EDNRB: variants seen among roughly 807,000 people sequenced by gnomAD.
The protein encoded by EDNRB is endothelin receptor type B.
In EDNRB, 18 loss-of-function variants were observed where a neutral mutation model predicts 46.4. The ratio of observed to expected loss-of-function variants is 0.39; its 90% CI spans 0.27 to 0.57. The LOEUF (loss-of-function observed/expected upper bound fraction) is 0.57, where lower values mean the gene tolerates loss of function less well. Among genes scored for constraint, EDNRB ranks in the 20% least tolerant of loss-of-function variants. The pLI, the probability that EDNRB is intolerant of heterozygous loss-of-function variation, is 0.61. For missense variants in EDNRB, 434 were observed against 537.5 expected (o/e 0.81, Z 1.90); for synonymous variants, 213 against 204.9 (o/e 1.04, Z -0.34).
chr13:77,961,146 T>G (rs2137684728), intron 1 of EDNRB, among the ~76,000 whole-genome samples: 1 of 152,078 alleles, frequency 6.6e-6, no homozygotes, highest in East Asian at 1.9e-4. Context: ...AGACAGAAAG[T>G]TAACAAGGAT....
In EDNRB at chr13:77,903,554, G is replaced by C; in HGVS notation, c.537C>G (p.Phe179Leu). 6.2e-7 allele frequency: 1 copy of C among 1,612,854 alleles called. No homozygotes were observed. The highest frequency in any genetic ancestry group is 8.5e-7 in the Non-Finnish European group (1 of 1,179,256). Residue 179 changes from phenylalanine (F) to leucine (L), a missense_variant, in exon 2 of 7, where the codon TTC (phenylalanine) becomes TTG (leucine). By Grantham distance (22) the Phe-to-Leu change is conservative. Transcript: ENST00000646607. ...FGAEMCKLVP[F>L]IQKASVGITV... ...TGATTCCCACAGAGGCTTTCTGTAT[G>C]AAAGGCACCAGCTTACACATCTCAG...
chr13:77,895,863 C>T lies in EDNRB; in HGVS notation c.*2337G>A, dbSNP rs1409744475. On this transcript the variant is annotated 3_prime_UTR_variant, in exon 7 of 7. Transcript: ENST00000646607. The stretch of plus-strand genomic sequence containing the variant: ...TACTAAAAGGTGTTTGAACATACAT[C>T]CACATTAGCAGTGGATAATAAGGGA... The T allele has an allele frequency of 6.6e-6, 1 of 152,214 alleles. No homozygotes were observed. The highest frequency in any genetic ancestry group is 1.5e-5 in the Non-Finnish European group (1 of 68,158). 9.4% of individuals were successfully genotyped at this position (152,214 alleles called of 1,614,324 possible).
At chr13:77,899,411 C>A in intron 6 of EDNRB, 1 of 79,708 alleles carries the variant, frequency 1.3e-5, no homozygotes, top group Non-Finnish European at 2.3e-5. Context: ...GAGGTAAAAC[C>A]TAAACTATTT....
At position 77,918,705 on chromosome 13, in the gene EDNRB, G is replaced by A. The variant is rs201210421; in HGVS notation, c.-132C>T. ...GTCGCTGCAAACGCTAATACCGCCC[G>A]CAGCCTCTTCGCCAGTATCCACGCT... On this transcript the variant is annotated 5_prime_UTR_variant, in exon 1 of 7. Coordinates refer to ENST00000646607, the MANE Select transcript of EDNRB (RefSeq NM_001122659.3). This position sits in a 1 kb window ranked among gnomAD's most constrained non-coding sequence, Gnocchi z 4.5. 9 of 1,373,268 alleles carry A rather than the reference G, an allele frequency of 6.6e-6. No individual in the cohort carries two copies. Among genetic ancestry groups the A allele is most frequent in the Non-Finnish European group, 8.4e-6 (9 of 1,067,874 alleles). 85.1% of individuals were successfully genotyped at this position (1,373,268 alleles called of 1,614,324 possible).
chr13:77,927,266 G>A (rs1195987165), intron 1 of EDNRB, among the ~76,000 whole-genome samples: 2 of 152,266 alleles, frequency 1.3e-5, no homozygotes, highest in South Asian at 2.1e-4. Context: ...AGATGCTTGA[G>A]TAAGTTCAGA....
intron 1 of EDNRB, among the ~76,000 whole-genome samples, chr13:77,932,237 G>C (rs1328234798): frequency 6.6e-6 from 1 of 152,144 alleles, no homozygotes; most frequent in South Asian, 2.1e-4. Flanking sequence ...CTGGAGTAAA[G>C]TGGACATCAA....
At chr13:77,943,834 G>A (rs1056074767) in intron 1 of EDNRB, among the ~76,000 whole-genome samples, 1 of 151,810 alleles carries the variant, frequency 6.6e-6, no homozygotes, top group African/African-American at 2.4e-5. Flanking sequence ...TTTTAAATAA[G>A]TAAATAGATT....
rs1394891189 is a variant in EDNRB, at chr13:77,918,756, A to G, written c.-183T>C. 2 of 1,335,142 alleles carry G rather than the reference A, an allele frequency of 1.5e-6. No individual in the cohort carries two copies. The highest frequency in any genetic ancestry group is 1.9e-6 in the Non-Finnish European group (2 of 1,048,592). 82.7% of individuals were successfully genotyped at this position (1,335,142 alleles called of 1,614,324 possible). On this transcript the variant is annotated 5_prime_UTR_variant, in exon 1 of 7. Coordinates refer to ENST00000646607, the MANE Select transcript of EDNRB (RefSeq NM_001122659.3). This position sits in a 1 kb window ranked among gnomAD's most constrained non-coding sequence, Gnocchi z 4.5. ...CAAAAGTAACTCAAGTTTGCGCGCC[A>G]GTGGGAAACTTGGCGCTCATGACTC...
intron 1 of EDNRB, among the ~76,000 whole-genome samples, chr13:77,943,572 A>G (rs1371278001): frequency 6.6e-6 from 1 of 152,130 alleles, no homozygotes; most frequent in Non-Finnish European, 1.5e-5. Context: ...TTTAAAATCT[A>G]ATCATTCAGC....
rs564680014 is a variant in EDNRB at position 77,941,954 on chromosome 13, G to A, written c.-51-23330C>T. 2.7e-3 allele frequency among the ~76,000 whole-genome samples: 405 copies of A among 152,268 alleles called. 5 individuals carry two copies. Among genetic ancestry groups the A allele is most frequent in the African/African-American group, 9.4e-3 (389 of 41,568 alleles). On this transcript the variant is annotated intron_variant, in intron 1 of 7. Transcript: ENST00000646948. ...TAGAAGGCTTTGTCAGTATTATGAA[G>A]CAGTCTGATAAAATTTAAACATTAT...
Position 77,918,534 on chromosome 13 carries a change from C to T in EDNRB, c.40G>A (p.Ala14Thr). 2 of 1,594,602 alleles carry T rather than the reference C, an allele frequency of 1.3e-6. No homozygotes were observed. Among genetic ancestry groups the T allele is most frequent in the Non-Finnish European group, 8.5e-7 (1 of 1,173,156 alleles). Residue 14 changes from alanine (A) to threonine (T), a missense_variant, in exon 1 of 7, where the codon GCG becomes ACG. Physicochemically the swap from Ala to Thr is moderately conservative, Grantham distance 58. Coordinates refer to ENST00000646607, the MANE Select transcript of EDNRB (RefSeq NM_001122659.3). The surrounding 1 kb of genome is among the most constrained non-coding windows in gnomAD (Gnocchi z 4.5). ...GACAGGCCGCAGGCAAGAACCAGCG[C>T]AACCAGGGCGCGTCCGCACAGACTT... ...PPSLCGRALV[A>T]LVLACGLSRI...
At chr13:77,942,572 G>A (rs887233299) in intron 1 of EDNRB, among the ~76,000 whole-genome samples, 27 of 151,992 alleles carry the variant, frequency 1.8e-4, no homozygotes, top group Non-Finnish European at 3.7e-4. Context: ...CAATTAATAA[G>A]GGAGACGATT....
intron 1 of EDNRB, among the ~76,000 whole-genome samples, chr13:77,926,896 A>C (rs918625788): frequency 1.3e-5 from 2 of 152,242 alleles, no homozygotes; most frequent in Non-Finnish European, 2.9e-5. Flanking sequence ...CACTTCTTAC[A>C]TGGTGGCAGC....
rs1880570676 is a variant in EDNRB, at chr13:77,936,560, T to G, written c.-51-17936A>C. Among the ~76,000 whole-genome samples, 4 of 152,182 alleles carry G rather than the reference T, an allele frequency of 2.6e-5. No individual in the cohort carries two copies. The South Asian group carries it at 8.3e-4, about 31-fold the overall frequency. ...AGCATCTGTGATGGTCTTGTAGGCT[T>G]CCGAGGCAATCAGGCAGTGTCAGTC... On this transcript the variant is annotated intron_variant, in intron 1 of 7. Coordinates refer to the EDNRB transcript ENST00000646948.
chr13:77,972,919 ATGAACAGCAGCC>A (rs1881778199), intron 1 of EDNRB, among the ~76,000 whole-genome samples: 1 of 152,084 alleles, frequency 6.6e-6, no homozygotes. Flanking sequence ...TTTTTGCTGT[ATGAACAGCAGCC>A]TTGGTGGTTA....
At chr13:77,933,356 A>G (rs1196071321) in intron 1 of EDNRB, among the ~76,000 whole-genome samples, 16 of 152,156 alleles carry the variant, frequency 1.1e-4, no homozygotes, top group African/African-American at 2.9e-4. Context: ...CCGTTTTATA[A>G]GATTTGGGTA....
At chr13:77,919,402 G>A, upstream of EDNRB, 4 of 1,610,384 alleles carry the variant, frequency 2.5e-6, no homozygotes, top group Non-Finnish European at 3.4e-6. Flanking sequence ...TTTACCTCTC[G>A]GATCTGACAA....
intron 5 of EDNRB, 104 bp from the exon 6 acceptor site, chr13:77,900,071 A>G: frequency 1.1e-6 from 1 of 885,916 alleles, no homozygotes; most frequent in Non-Finnish European, 1.8e-6. Context: ...CCAATATACA[A>G]TGGTTCTAAA....
intron 1 of EDNRB, among the ~76,000 whole-genome samples, chr13:77,910,892 A>G (rs990564809): frequency 1.3e-5 from 2 of 152,104 alleles, no homozygotes; most frequent in Non-Finnish European, 2.9e-5. Flanking sequence ...AGTTCTTGAA[A>G]CAAAATCTCT....
Sources: gnomAD v4.1 joint callset for allele counts (sites outside exome capture counted in the v4.1 genomes callset) on GRCh38, gnomAD v4.1.1 for gene constraint, Gnocchi (gnomAD v3.1) non-coding constraint, MANE v1.5 for transcripts, NCBI Gene and HGNC (gene_info 2026-07-23, HGNC 2026-07-21) for gene names.